UIMC1: variants seen among roughly 807,000 people sequenced by gnomAD.
UIMC1 encodes ubiquitin interaction motif containing 1.
A neutral mutation model predicts 84.9 loss-of-function variants in UIMC1; 42 were observed. The observed-to-expected ratio is 0.49, with a 90% CI of 0.39 to 0.64. The LOEUF (loss-of-function observed/expected upper bound fraction) is 0.64. UIMC1 is among the 30% of genes least tolerant of loss of function. The probability of loss-of-function intolerance (pLI) is 0.00; values close to 1 mark genes in which losing one functional copy is unlikely to be tolerated. For missense variants in UIMC1, 825 were observed against 847.6 expected (o/e 0.97, Z 0.33); for synonymous variants, 281 against 293.0 (o/e 0.96, Z 0.42).
intron 2 of UIMC1, 78 bp from the exon 3 acceptor site, chr5:176,975,558 G>T: frequency 7.4e-7 from 1 of 1,350,534 alleles, no homozygotes; most frequent in Non-Finnish European, 1.1e-6. Flanking sequence ...CTCCCCTATG[G>T]CTAAGAGAGG....
chr5:177,022,245 G>C (rs1775887527), intron 1 of UIMC1, among the ~76,000 whole-genome samples: 1 of 152,140 alleles, frequency 6.6e-6, no homozygotes, highest in Admixed American at 6.5e-5. Context: ...CCGGAGTCTC[G>C]GGGAAGATCA....
chr5:176,978,199 G>A (rs199759167), intron 2 of UIMC1, among the ~76,000 whole-genome samples: 5 of 151,418 alleles, frequency 3.3e-5, no homozygotes, highest in Non-Finnish European at 5.9e-5. Context: ...GTGAAACCCC[G>A]TCTCTACTAA....
At chr5:176,946,169 C>A (rs1765083755) in intron 9 of UIMC1, among the ~76,000 whole-genome samples, 1 of 152,088 alleles carries the variant, frequency 6.6e-6, no homozygotes, top group Admixed American at 6.6e-5. Context: ...CGCCCCGGAC[C>A]CAGCTTTCAC....
At chr5:176,983,902 G>A (rs1771462323) in intron 1 of UIMC1, among the ~76,000 whole-genome samples, 1 of 148,252 alleles carries the variant, frequency 6.7e-6, no homozygotes, top group Admixed American at 6.7e-5. Context: ...TCTGGGATGT[G>A]AGGAGCACCT....
At chr5:176,977,160 T>C (rs1191664767) in intron 2 of UIMC1, among the ~76,000 whole-genome samples, 2 of 149,984 alleles carry the variant, frequency 1.3e-5, no homozygotes, top group African/African-American at 2.5e-5. Context: ...GAGGCAGAGG[T>C]TGCAGTGAGC....
At chr5:176,987,048 T>G (rs919597663) in intron 1 of UIMC1, among the ~76,000 whole-genome samples, 5 of 149,380 alleles carry the variant, frequency 3.3e-5, no homozygotes, top group Non-Finnish European at 7.4e-5. Flanking sequence ...GGTGAAACCC[T>G]GTCTCCACTA....
intron 1 of UIMC1, among the ~76,000 whole-genome samples, chr5:177,018,670 C>T (rs1158677469): frequency 1.3e-5 from 2 of 152,164 alleles, no homozygotes; most frequent in African/African-American, 4.8e-5. Context: ...GCAAGGAGTC[C>T]AGGCCTGGGC....
upstream of UIMC1, among the ~76,000 whole-genome samples, chr5:177,011,560 G>A (rs1208540267): frequency 6.6e-6 from 1 of 152,020 alleles, no homozygotes; most frequent in African/African-American, 2.4e-5. Context: ...TCCAGCCTAG[G>A]CAATAGAGTG....
At chr5:177,006,114 G>C (rs1489584214) in intron 1 of UIMC1, among the ~76,000 whole-genome samples, 1 of 152,188 alleles carries the variant, frequency 6.6e-6, no homozygotes, top group African/African-American at 2.4e-5. Context: ...GTGAGGCGGC[G>C]CGGACCACGG....
chr5:176,905,769 G>C, intron 14 of UIMC1: 1 of 623,962 alleles, frequency 1.6e-6, no homozygotes, highest in East Asian at 2.7e-5. Context: ...GATGGGGATA[G>C]AGAGGTACAG....
intron 9 of UIMC1, among the ~76,000 whole-genome samples, chr5:176,946,508 C>A (rs1581484447): frequency 6.6e-6 from 1 of 151,298 alleles, no homozygotes; most frequent in Non-Finnish European, 1.5e-5. Context: ...CAAAACTCTG[C>A]CTCCAAAAAA....
chr5:176,922,911 C>T (rs1366011024), intron 10 of UIMC1, among the ~76,000 whole-genome samples: 2 of 152,176 alleles, frequency 1.3e-5, no homozygotes, highest in Non-Finnish European at 2.9e-5. Flanking sequence ...GAAAGAAAAT[C>T]GCTACATTTT....
chr5:176,905,826 G>T, intron 14 of UIMC1, 185 bp downstream of exon 14: 1 of 659,844 alleles, frequency 1.5e-6, no homozygotes, highest in Non-Finnish European at 2.6e-6. Context: ...CACAATGAAT[G>T]AATTGAGTTA....
At chr5:177,005,736 A>C (rs945050076) in intron 1 of UIMC1, among the ~76,000 whole-genome samples, 2 of 151,932 alleles carry the variant, frequency 1.3e-5, no homozygotes, top group Non-Finnish European at 2.9e-5. Flanking sequence ...ATAAAGACAG[A>C]AGCATAAACT....
chr5:176,908,695 C>T lies in UIMC1; in HGVS notation c.1677-1G>A, dbSNP rs766633588. On this transcript the variant is annotated splice_acceptor_variant, in intron 11 of 14. Transcript: ENST00000511320. LOFTEE classifies it high-confidence loss of function. ...TTTACAGAGGTAACACTTCTCATTC[C>T]TATCCAATAAGAAAAAAGGAAGAAA... is the stretch of plus-strand genomic sequence containing the variant. 3.1e-6 allele frequency: 5 copies of T among 1,608,506 alleles called. No individual in the cohort carries two copies. Among genetic ancestry groups the T allele is most frequent in the Middle Eastern group, 1.7e-4 (1 of 6,036 alleles).
At chr5:176,944,744 G>A (rs986093546) in intron 9 of UIMC1, among the ~76,000 whole-genome samples, 1 of 152,190 alleles carries the variant, frequency 6.6e-6, no homozygotes, top group Non-Finnish European at 1.5e-5. Context: ...CAGCAGAGAT[G>A]AAAACAGGCC....
chr5:176,975,269 G>A, intron 3 of UIMC1, 127 bp downstream of exon 3: 1 of 915,738 alleles, frequency 1.1e-6, no homozygotes, highest in South Asian at 2.0e-5. Flanking sequence ...AACAAAAACT[G>A]ATAAATTCAC....
At chr5:176,993,012 C>T (rs1283912730) in intron 1 of UIMC1, among the ~76,000 whole-genome samples, 1 of 151,740 alleles carries the variant, frequency 6.6e-6, no homozygotes, top group East Asian at 1.9e-4. Context: ...ATGGCGAAAC[C>T]CCATCTCTAC....
chr5:176,964,497 T>A (rs950024920), intron 6 of UIMC1, among the ~76,000 whole-genome samples: 5 of 152,172 alleles, frequency 3.3e-5, no homozygotes, highest in Non-Finnish European at 7.3e-5. Flanking sequence ...AAGAAAAGTT[T>A]CATATAGAAA....
Sources: allele counts gnomAD v4.1 joint callset (sites outside exome capture counted in the v4.1 genomes callset), GRCh38; gene constraint gnomAD v4.1.1; transcripts MANE v1.5; gene names NCBI Gene and HGNC (gene_info 2026-07-23, HGNC 2026-07-21).